AFDN: variants seen among roughly 807,000 people sequenced by gnomAD.
AFDN encodes afadin.
A neutral mutation model predicts 216.6 loss-of-function variants in AFDN; 68 were observed. The ratio of observed to expected loss-of-function variants is 0.31; its 90% confidence interval spans 0.26 to 0.38. The LOEUF (loss-of-function observed/expected upper bound fraction) is 0.38, where lower values mean the gene tolerates loss of function less well. Ranked by LOEUF, AFDN falls within the 10% of genes least tolerant of loss-of-function variation. The probability of loss-of-function intolerance (pLI) is 1.00; values close to 1 mark genes in which losing one functional copy is unlikely to be tolerated. For missense variants in AFDN, 2,136 were observed against 2,342.0 expected, an observed-to-expected ratio of 0.91 and a Z score of 1.82; for synonymous variants, 868 against 853.7, an observed-to-expected ratio of 1.02 and a Z score of -0.29.
At chr6:167,963,637 G>T in intron 31 of AFDN, 1 of 1,059,560 alleles carries the variant, frequency 9.4e-7, no homozygotes, top group Non-Finnish European at 1.1e-6. Flanking sequence ...GTTGAAATTG[G>T]TGATTTCTGC....
intron 1 of AFDN, among the ~76,000 whole-genome samples, chr6:167,844,377 C>T (rs912123315): frequency 2.6e-5 from 4 of 152,128 alleles, no homozygotes; most frequent in Admixed American, 2.0e-4. Context: ...GTAGGATATA[C>T]ACTTTTCTGC....
Position 167,916,307 on chromosome 6 carries a change from G to A in AFDN, c.2566-782G>A, listed in dbSNP as rs116982996. ...CTTGTTTTAACTTGATGATTCCCTGGAAAGATGCTGTCTCGAAAAAAGATA... is the reference window on the plus strand; with the variant it reads ...CTTGTTTTAACTTGATGATTCCCTGAAAAGATGCTGTCTCGAAAAAAGATA... On this transcript the variant is annotated intron_variant, in intron 19 of 33. Coordinates refer to ENST00000683244, the MANE Select transcript of AFDN (RefSeq NM_001386888.1). 7.6e-3 allele frequency among the ~76,000 whole-genome samples: 1,158 copies of A among 152,264 alleles called. 9 individuals are homozygous for A. Among genetic ancestry groups the A allele is most frequent in the Middle Eastern group, 0.014 (4 of 294 alleles).
chr6:167,946,997 C>A, intron 27 of AFDN, 96 bp downstream of exon 27: 1 of 1,104,262 alleles, frequency 9.1e-7, no homozygotes, highest in Non-Finnish European at 1.3e-6. Flanking sequence ...TAAAATTATT[C>A]TCTGCAAACA....
In AFDN at chr6:167,864,905, T is replaced by C. The variant is rs762552832; in HGVS notation, c.301+159T>C. The stretch of plus-strand genomic sequence containing the variant: ...AGCTGGCAGGCTGAGAAAACTGTTT[T>C]ATGTCTGGGAAGTGTTCTTATAAAT... On this transcript the variant is annotated intron_variant, in intron 2 of 33. Coordinates refer to ENST00000683244, the MANE Select transcript of AFDN (RefSeq NM_001386888.1). 10 of 799,692 alleles carry C rather than the reference T, an allele frequency of 1.3e-5. 1 individual carries two copies. The Middle Eastern group carries it at 1.1e-3, about 89-fold the overall frequency. The allele number at this position is 799,692 out of a possible 1,614,324, so 49.5% of individuals were successfully genotyped here.
chr6:167,878,679 A>T (rs1785728617), intron 5 of AFDN, among the ~76,000 whole-genome samples: 1 of 152,082 alleles, frequency 6.6e-6, no homozygotes, highest in Non-Finnish European at 1.5e-5. Flanking sequence ...GAATAATTCA[A>T]ACTCATGATG....
intron 21 of AFDN, among the ~76,000 whole-genome samples, chr6:167,922,407 G>C (rs1029259899): frequency 3.4e-5 from 5 of 147,684 alleles, no homozygotes; most frequent in African/African-American, 1.2e-4. Flanking sequence ...TAATTTGAAT[G>C]TAAGTAGTTG....
chr6:167,948,035 T>A (rs1795531677), intron 28 of AFDN, 91 bp downstream of exon 28: 1 of 989,186 alleles, frequency 1.0e-6, no homozygotes, highest in Non-Finnish European at 1.5e-6. Context: ...CAATTTTTAC[T>A]CTGAATTAGC....
At chr6:167,836,877 G>A (rs1780501522) in intron 1 of AFDN, among the ~76,000 whole-genome samples, 1 of 152,176 alleles carries the variant, frequency 6.6e-6, no homozygotes, top group African/African-American at 2.4e-5. Flanking sequence ...CTTTTGTAAA[G>A]CAGCTAAGCT....
chr6:167,922,973 G>A lies in AFDN; in HGVS notation c.3012+14G>A, dbSNP rs765778641. The A allele has an allele frequency of 3.8e-6, 6 of 1,573,388 alleles. No homozygotes were observed. The Admixed American group carries it at 1.0e-4, about 26-fold the overall frequency. ...AACACAGAGCTGGCAAGTATTTTGAGGGTACCATGAAGTGAAATGGATCCT... is the reference window on the plus strand; with the variant it reads ...AACACAGAGCTGGCAAGTATTTTGAAGGTACCATGAAGTGAAATGGATCCT... On this transcript the variant is annotated intron_variant, in intron 22 of 33. Coordinates refer to ENST00000683244, the MANE Select transcript of AFDN (RefSeq NM_001386888.1).
rs372686576 is a variant in AFDN at position 167,948,389 on chromosome 6, C to G, written c.3742C>G (p.Arg1248Gly). Residue 1248 changes from arginine (R) to glycine (G), a missense_variant, in exon 29 of 34, where the codon CGG (arginine) becomes GGG (glycine). By Grantham distance (125) the Arg-to-Gly change is moderately radical. Coordinates refer to ENST00000683244, the MANE Select transcript of AFDN (RefSeq NM_001386888.1). ...CTTCCCAGCTTCCAAATCCCAGGAT[C>G]GGATGGCTCCTCCTCAGAACCAGTG... is the stretch of plus-strand genomic sequence containing the variant. ...FTFPASKSQD[R>G]MAPPQNQWPN... 2 of 1,614,108 alleles carry G rather than the reference C, an allele frequency of 1.2e-6. No homozygotes were observed. The highest frequency in any genetic ancestry group is 2.2e-5 in the South Asian group (2 of 91,072).
chr6:167,834,117 C>T (rs1780131451), intron 1 of AFDN, among the ~76,000 whole-genome samples: 1 of 151,680 alleles, frequency 6.6e-6, no homozygotes, highest in Non-Finnish European at 1.5e-5. Flanking sequence ...TTTTTTATTT[C>T]TGTAGGTTTT....
intron 31 of AFDN, chr6:167,963,413 C>T (rs776134108): frequency 4.7e-5 from 50 of 1,054,338 alleles, no homozygotes; most frequent in Non-Finnish European, 5.6e-5. Context: ...CTTCTGATGG[C>T]GGAAAATTTA....
chr6:167,943,613 T>G, intron 25 of AFDN, 138 bp downstream of exon 25: 2 of 643,112 alleles, frequency 3.1e-6, no homozygotes, highest in South Asian at 2.2e-5. Flanking sequence ...TACGTGACAT[T>G]TCACTTGTTA....
chr6:167,850,894 T>C (rs1782224355), intron 1 of AFDN, among the ~76,000 whole-genome samples: 1 of 152,138 alleles, frequency 6.6e-6, no homozygotes, highest in Admixed American at 6.5e-5. Context: ...TGTGTGTGTG[T>C]GTGTGTGACA....
intron 1 of AFDN, among the ~76,000 whole-genome samples, chr6:167,842,859 G>A (rs955189049): frequency 6.6e-6 from 1 of 152,130 alleles, no homozygotes; most frequent in African/African-American, 2.4e-5. Context: ...CTGCCTTGGT[G>A]GTTGTCTTTA....
chr6:167,923,004 C>T (rs1792024967), intron 22 of AFDN, 45 bp downstream of exon 22: 10 of 1,313,166 alleles, frequency 7.6e-6, no homozygotes, highest in Non-Finnish European at 9.8e-6. Flanking sequence ...ATCCTTAGGA[C>T]TTGAAGATGT....
At chr6:167,957,829 C>T (rs768775465) in intron 30 of AFDN, among the ~76,000 whole-genome samples, 15 of 152,162 alleles carry the variant, frequency 9.9e-5, no homozygotes, top group Admixed American at 9.2e-4. Flanking sequence ...GTGTGTGATT[C>T]GTGCCTTCAT....
At chr6:167,893,729 T>A in intron 8 of AFDN, 133 bp from the exon 9 acceptor site, 2 of 702,386 alleles carry the variant, frequency 2.8e-6, no homozygotes, top group Non-Finnish European at 5.1e-6. Flanking sequence ...TACCTTTTCT[T>A]CCTTTGAAAC....
chr6:167,913,963 C>T, intron 16 of AFDN: 4 of 551,302 alleles, frequency 7.3e-6, no homozygotes, highest in South Asian at 2.6e-5. Context: ...TGCATGAATC[C>T]TAAGAAATAG....
Sources: allele counts gnomAD v4.1 joint callset (sites outside exome capture counted in the v4.1 genomes callset), GRCh38; gene constraint gnomAD v4.1.1; transcripts MANE v1.5; gene names NCBI Gene and HGNC (gene_info 2026-07-23, HGNC 2026-07-21).